Variants in MAN1A2 observed in about 807,000 individuals in gnomAD.
The protein encoded by MAN1A2 is mannosyl-oligosaccharide 1,2-alpha-mannosidase IB.
Under a neutral mutation model 75.7 loss-of-function variants are expected in MAN1A2, and 26 were observed. The observed-to-expected ratio is 0.34, with a 90% CI of 0.25 to 0.48. MAN1A2 has a LOEUF of 0.48. Among genes scored for constraint, MAN1A2 ranks in the 20% least tolerant of loss-of-function variants. MAN1A2 has a pLI of 0.99. For synonymous variants in MAN1A2, 247 were observed against 264.6 expected (o/e 0.93, Z 0.65); for missense variants, 562 against 775.5 (o/e 0.72, Z 3.27).
At chr1:117,454,936 G>A (rs768888280) in intron 6 of MAN1A2, among the ~76,000 whole-genome samples, 25 of 151,800 alleles carry the variant, frequency 1.6e-4, no homozygotes, top group Non-Finnish European at 1.9e-4. Flanking sequence ...AAAATAAGCC[G>A]GTAAAGAAAA....
At chr1:117,377,709 G>A (rs748074360) in intron 1 of MAN1A2, among the ~76,000 whole-genome samples, 1 of 152,098 alleles carries the variant, frequency 6.6e-6, no homozygotes, top group Non-Finnish European at 1.5e-5. Flanking sequence ...TGTTTCTGGT[G>A]CTGTGAATCT....
At chr1:117,506,514 TAA>T (rs979024458) in intron 12 of MAN1A2, among the ~76,000 whole-genome samples, 1 of 151,560 alleles carries the variant, frequency 6.6e-6, no homozygotes, top group African/African-American at 2.4e-5. Context: ...ACTGATGGCA[TAA>T]CAAAAACTAT....
At chr1:117,482,598 TC>T (rs1650536194) in intron 8 of MAN1A2, among the ~76,000 whole-genome samples, 2 of 152,218 alleles carry the variant, frequency 1.3e-5, no homozygotes, top group African/African-American at 4.8e-5. Flanking sequence ...TTGTTTTTTT[TC>T]TTGTAAATTT....
At chr1:117,490,280 G>A (rs1353062970) in intron 8 of MAN1A2, among the ~76,000 whole-genome samples, 2 of 151,928 alleles carry the variant, frequency 1.3e-5, no homozygotes, top group Non-Finnish European at 2.9e-5. Flanking sequence ...TTGACAGCAT[G>A]TGTTCGCTTT....
chr1:117,460,273 G>C (rs1649774739), intron 6 of MAN1A2, among the ~76,000 whole-genome samples: 1 of 152,104 alleles, frequency 6.6e-6, no homozygotes, highest in African/African-American at 2.4e-5. Flanking sequence ...GAGAATGGGT[G>C]AAATGTATTT....
intron 8 of MAN1A2, among the ~76,000 whole-genome samples, chr1:117,482,185 C>T (rs1267870144): frequency 2.0e-5 from 3 of 151,872 alleles, no homozygotes; most frequent in Non-Finnish European, 2.9e-5. Context: ...TACAACTCAC[C>T]GTATGTCTTT....
At chr1:117,401,162 T>C (rs1251798681) in intron 1 of MAN1A2, among the ~76,000 whole-genome samples, 2 of 151,512 alleles carry the variant, frequency 1.3e-5, no homozygotes, top group Non-Finnish European at 2.9e-5. Flanking sequence ...TTTTTTTTTT[T>C]CAGTGATCAT....
chr1:117,517,675 G>T (rs2101032266), intron 12 of MAN1A2, among the ~76,000 whole-genome samples: 1 of 152,094 alleles, frequency 6.6e-6, no homozygotes, highest in East Asian at 1.9e-4. Context: ...TAAAATACAT[G>T]AACTTAGAAT....
At position 117,399,746 on chromosome 1, in the gene MAN1A2, T is replaced by C. The variant is rs184557583; in HGVS notation, c.303-2440T>C. On this transcript the variant is annotated intron_variant, in intron 1 of 12. Transcript: ENST00000356554. Reference sequence around the variant, plus strand: ...TTAGCTTTAGGCTTCACAAATACATTTGAAGACAGGAATAGGTGGTTGGGT... The same window carrying C: ...TTAGCTTTAGGCTTCACAAATACATCTGAAGACAGGAATAGGTGGTTGGGT... 2.0e-4 allele frequency among the ~76,000 whole-genome samples: 31 copies of C among 152,292 alleles called. 1 individual carries two copies. Among genetic ancestry groups the C allele is most frequent in the African/African-American group, 7.0e-4 (29 of 41,552 alleles).
intron 5 of MAN1A2, among the ~76,000 whole-genome samples, chr1:117,438,689 A>G (rs955532650): frequency 1.3e-5 from 2 of 152,214 alleles, no homozygotes; most frequent in Admixed American, 1.3e-4. Context: ...TTAGGTAAAC[A>G]AATACTTACC....
rs12081654 is a variant in MAN1A2, at chr1:117,422,071, A to G, written c.855+1422A>G. ...TATTTTTAGTAAGGTTTATTGAGGTATTATTTACGTACAGTAAAATTCAGT... is the reference window on the plus strand; with the variant it reads ...TATTTTTAGTAAGGTTTATTGAGGTGTTATTTACGTACAGTAAAATTCAGT... On this transcript the variant is annotated intron_variant, in intron 5 of 12. Coordinates refer to ENST00000356554, the MANE Select transcript of MAN1A2 (RefSeq NM_006699.5). Among the ~76,000 whole-genome samples, 584 of 152,272 alleles carry G rather than the reference A, an allele frequency of 3.8e-3. 7 individuals carry two copies. Among genetic ancestry groups the G allele is most frequent in the African/African-American group, 0.013 (555 of 41,580 alleles).
At chr1:117,512,812 TC>T (rs1651581423) in intron 12 of MAN1A2, among the ~76,000 whole-genome samples, 1 of 144,272 alleles carries the variant, frequency 6.9e-6, no homozygotes, top group African/African-American at 2.6e-5. Context: ...GAATTTCACT[TC>T]TACTATTTAA....
At chr1:117,377,634 TTAAA>T (rs1195352355) in intron 1 of MAN1A2, among the ~76,000 whole-genome samples, 1 of 152,194 alleles carries the variant, frequency 6.6e-6, no homozygotes, top group Admixed American at 6.5e-5. Flanking sequence ...AGGGTATTAG[TTAAA>T]TAAATGATAT....
intron 3 of MAN1A2, 38 bp downstream of exon 3, chr1:117,405,683 A>T: frequency 1.8e-6 from 2 of 1,113,982 alleles, no homozygotes; most frequent in Non-Finnish European, 2.7e-6. Context: ...TCCATTTTCT[A>T]CCTCCATCTT....
At chr1:117,491,476 CTT>C (rs888966254) in intron 8 of MAN1A2, among the ~76,000 whole-genome samples, 2 of 150,554 alleles carry the variant, frequency 1.3e-5, no homozygotes, top group African/African-American at 2.4e-5. Context: ...AAAAAGATCT[CTT>C]TCAAAATATT....
intron 5 of MAN1A2, among the ~76,000 whole-genome samples, chr1:117,431,178 G>C (rs1648637319): frequency 8.5e-6 from 1 of 117,584 alleles, no homozygotes; most frequent in African/African-American, 3.3e-5. Flanking sequence ...CCGCATGAGA[G>C]GGAGACCGTG....
intron 1 of MAN1A2, among the ~76,000 whole-genome samples, chr1:117,401,147 GT>G (rs767056945): frequency 0.033 from 4,412 of 135,094 alleles, 70 homozygotes; most frequent in African/African-American, 0.052. Context: ...TTGTATAAAG[GT>G]TTTTTTTTTT....
At chr1:117,376,235 G>A (rs1653135287) in intron 1 of MAN1A2, among the ~76,000 whole-genome samples, 2 of 152,168 alleles carry the variant, frequency 1.3e-5, no homozygotes, top group South Asian at 4.1e-4. Flanking sequence ...TCTAATATAC[G>A]GTCTGGGTTA....
In MAN1A2 at chr1:117,406,441, A is replaced by G. The variant is rs570612586; in HGVS notation, c.655+796A>G. On this transcript the variant is annotated intron_variant, in intron 3 of 12. Transcript: ENST00000356554. ...GCAATCTGATTTTATTACCTGTAGTAAACCATCACAGTAATTCAAATAACA... is the reference window on the plus strand; with the variant it reads ...GCAATCTGATTTTATTACCTGTAGTGAACCATCACAGTAATTCAAATAACA... Among the ~76,000 whole-genome samples, 13 of 152,304 alleles carry G rather than the reference A, an allele frequency of 8.5e-5. No individual in the cohort carries two copies. The South Asian group carries it at 2.7e-3, about 32-fold the overall frequency.
Sources: allele counts gnomAD v4.1 joint callset (sites outside exome capture counted in the v4.1 genomes callset), GRCh38; gene constraint gnomAD v4.1.1; transcripts MANE v1.5; gene names NCBI Gene and HGNC (gene_info 2026-07-23, HGNC 2026-07-21).